FAM81B: variants seen among roughly 807,000 people sequenced by gnomAD.
FAM81B encodes the protein protein FAM81B.
In FAM81B, 60 loss-of-function variants were observed where a neutral mutation model predicts 58.7. That is an observed-to-expected ratio of 1.02 (90% confidence interval 0.83 to 1.27). The LOEUF (loss-of-function observed/expected upper bound fraction) is 1.27, where lower values mean the gene tolerates loss of function less well. FAM81B is among the 50% of genes most tolerant of loss of function. The pLI is 0.00. For synonymous variants in FAM81B, 189 were observed against 179.6 expected (o/e 1.05, Z -0.42); for missense variants, 491 against 522.0 (o/e 0.94, Z 0.58).
chr5:95,417,983 A>G (rs1762581006), intron 4 of FAM81B, among the ~76,000 whole-genome samples: 1 of 152,246 alleles, frequency 6.6e-6, no homozygotes, highest in South Asian at 2.1e-4. Flanking sequence ...TCATTATTGC[A>G]GTCCTCCCAC....
intron 5 of FAM81B, among the ~76,000 whole-genome samples, chr5:95,427,709 A>G (rs1482306647): frequency 6.6e-6 from 1 of 152,220 alleles, no homozygotes; most frequent in Admixed American, 6.5e-5. Context: ...TAAAAGTGAC[A>G]AATATCAAAA....
At chr5:95,427,167 T>C (rs184429687) in intron 5 of FAM81B, among the ~76,000 whole-genome samples, 9 of 152,252 alleles carry the variant, frequency 5.9e-5, no homozygotes, top group African/African-American at 2.2e-4. Flanking sequence ...GACCCTGCTG[T>C]CCCTGAGGGT....
intron 6 of FAM81B, among the ~76,000 whole-genome samples, chr5:95,430,735 A>C (rs1253451616): frequency 3.3e-5 from 5 of 152,106 alleles, no homozygotes. Context: ...AGAATTAAGC[A>C]GAGAGAGTAC....
intron 5 of FAM81B, among the ~76,000 whole-genome samples, chr5:95,426,375 C>G (rs1481712115): frequency 6.6e-6 from 1 of 151,960 alleles, no homozygotes; most frequent in African/African-American, 2.4e-5. Flanking sequence ...TGAATCAATC[C>G]TTGACTTCAA....
chr5:95,409,486 T>TTTCTTTTTTTTTTTTTTTTTGAGACGG (rs1554043553), intron 3 of FAM81B, among the ~76,000 whole-genome samples: 1 of 151,400 alleles, frequency 6.6e-6, no homozygotes, highest in African/African-American at 2.4e-5. Context: ...GAATTTTTCT[T>TTTCTTTTTTTTTTTTTTTTTGAGACGG]AATGTGGCTA....
intron 3 of FAM81B, among the ~76,000 whole-genome samples, chr5:95,400,424 A>ATACT (rs1387573184): frequency 2.1e-5 from 2 of 96,290 alleles, no homozygotes; most frequent in African/African-American, 9.4e-5. Context: ...ACATACATAC[A>ATACT]TACATACATA....
At chr5:95,438,533 T>C (rs2152769142) in intron 7 of FAM81B, among the ~76,000 whole-genome samples, 1 of 152,250 alleles carries the variant, frequency 6.6e-6, no homozygotes, top group East Asian at 1.9e-4. Flanking sequence ...ATTATGGGAA[T>C]TTGGCTTATG....
chr5:95,392,755 T>C lies in FAM81B; in HGVS notation c.125-39T>C, dbSNP rs1057188508. Reference sequence around the variant, plus strand: ...TAGCAGCACTGCAAAAATTCACTTGTCATAGTTCCTGACCTGATTCAGCAT... The same window carrying C: ...TAGCAGCACTGCAAAAATTCACTTGCCATAGTTCCTGACCTGATTCAGCAT... On this transcript the variant is annotated intron_variant, in intron 1 of 9. Coordinates refer to ENST00000283357, the MANE Select transcript of FAM81B (RefSeq NM_152548.3). 4 of 1,548,604 alleles carry C rather than the reference T, an allele frequency of 2.6e-6. No individual in the cohort carries two copies. The Admixed American group carries it at 7.4e-5, about 29-fold the overall frequency.
intron 6 of FAM81B, among the ~76,000 whole-genome samples, chr5:95,431,745 C>T (rs943560305): frequency 2.0e-5 from 3 of 151,838 alleles, no homozygotes; most frequent in Admixed American, 6.6e-5. Context: ...ACAGGGGCTT[C>T]GATATGCCCT....
chr5:95,430,840 TCCA>T (rs1369756979), intron 6 of FAM81B, among the ~76,000 whole-genome samples: 6 of 152,100 alleles, frequency 3.9e-5, no homozygotes, highest in African/African-American at 1.4e-4. Context: ...GTCCTGTGTC[TCCA>T]TTGCCTCACC....
rs887433443 is a variant in FAM81B at position 95,450,402 on chromosome 5, C to A, written c.*120C>A. The A allele has an allele frequency of 1.4e-6, 2 of 1,468,110 alleles. No individual in the cohort carries two copies. The highest frequency in any genetic ancestry group is 9.1e-7 in the Non-Finnish European group (1 of 1,100,904). 90.9% of individuals were successfully genotyped at this position (1,468,110 alleles called of 1,614,324 possible). ...CTTCTAATGTCTCCTTTTAAGGAGA[C>A]GAATGTACCAGAAAAATAATAAAGC... On this transcript the variant is annotated 3_prime_UTR_variant, in exon 10 of 10. Coordinates refer to ENST00000283357, the MANE Select transcript of FAM81B (RefSeq NM_152548.3).
intron 7 of FAM81B, chr5:95,440,223 C>A: frequency 3.0e-6 from 2 of 669,248 alleles, no homozygotes; most frequent in South Asian, 1.4e-5. Context: ...GCTTCTCGGT[C>A]TAGCTGTGAG....
intron 5 of FAM81B, among the ~76,000 whole-genome samples, chr5:95,425,370 TAAA>T (rs927991676): frequency 6.6e-6 from 1 of 152,068 alleles, no homozygotes; most frequent in African/African-American, 2.4e-5. Flanking sequence ...GCAAGTCTCA[TAAA>T]AAAGGAAAGA....
chr5:95,442,598 A>G (rs1425047055), intron 7 of FAM81B, among the ~76,000 whole-genome samples: 4 of 152,072 alleles, frequency 2.6e-5, no homozygotes, highest in Non-Finnish European at 5.9e-5. Context: ...GAAATTTTTA[A>G]AAGGGAAAGA....
intron 4 of FAM81B, among the ~76,000 whole-genome samples, chr5:95,418,543 A>C (rs1762595826): frequency 6.6e-6 from 1 of 152,240 alleles, no homozygotes; most frequent in East Asian, 1.9e-4. Flanking sequence ...TGTGTACGAT[A>C]TTATAGTACA....
At chr5:95,433,902 CTCT>C (rs1745002576) in intron 6 of FAM81B, among the ~76,000 whole-genome samples, 2 of 152,160 alleles carry the variant, frequency 1.3e-5, no homozygotes, top group African/African-American at 4.8e-5. Context: ...TTCATAACTA[CTCT>C]TTTTTCTTTC....
rs1003536714 is a variant in FAM81B at position 95,436,870 on chromosome 5, G to C, written c.857G>C (p.Gly286Ala). The change falls in exon 7 of 10, where the codon GGG (glycine) becomes GCG (alanine). Residue 286 changes from glycine to alanine, a missense_variant. Transcript: ENST00000283357. The stretch of plus-strand genomic sequence containing the variant: ...ACCTCGAATTTAAAGATGGTCCAGG[G>C]GGATTATCGCCACGAAATGAACCTT... ...EQTSNLKMVQGDYRHEMNLLE... is the reference protein window; with the variant it reads ...EQTSNLKMVQADYRHEMNLLE... 1 of 1,613,834 alleles carries C rather than the reference G, an allele frequency of 6.2e-7. No homozygotes were observed. The highest frequency in any genetic ancestry group is 8.5e-7 in the Non-Finnish European group (1 of 1,179,910).
intron 3 of FAM81B, among the ~76,000 whole-genome samples, chr5:95,411,936 A>G (rs561489496): frequency 6.6e-6 from 1 of 152,362 alleles, no homozygotes; most frequent in Admixed American, 6.5e-5. Flanking sequence ...AATGATGTGA[A>G]GATGAAATAC....
At chr5:95,437,979 A>G (rs1317246637) in intron 7 of FAM81B, among the ~76,000 whole-genome samples, 1 of 152,116 alleles carries the variant, frequency 6.6e-6, no homozygotes, top group African/African-American at 2.4e-5. Context: ...ACTGTATTTT[A>G]TTAAATCTAA....
Sources: gnomAD v4.1 joint callset for allele counts (sites outside exome capture counted in the v4.1 genomes callset) on GRCh38, gnomAD v4.1.1 for gene constraint, MANE v1.5 for transcripts, NCBI Gene and HGNC (gene_info 2026-07-23, HGNC 2026-07-21) for gene names.